CTNNA3: variants seen among roughly 807,000 people sequenced by gnomAD.
CTNNA3 encodes catenin alpha-3.
A neutral mutation model predicts 95.7 loss-of-function variants in CTNNA3; 76 were observed. That is an observed-to-expected ratio of 0.79 (90% CI 0.66 to 0.96). CTNNA3 has a LOEUF of 0.96. Ranked by LOEUF, CTNNA3 falls within the 40% of genes least tolerant of loss-of-function variation. CTNNA3 has a pLI of 0.00. For missense variants in CTNNA3, 1,191 were observed against 1,089.8 expected (o/e 1.09, Z -1.31); for synonymous variants, 431 against 374.4 (o/e 1.15, Z -1.74).
At chr10:67,732,564 A>T (rs1227314534) in intron 1 of CTNNA3, among the ~76,000 whole-genome samples, 2 of 152,214 alleles carry the variant, frequency 1.3e-5, no homozygotes, top group Non-Finnish European at 2.9e-5. Flanking sequence ...ACAAAAACAT[A>T]ACCCTTCATT....
intron 17 of CTNNA3, among the ~76,000 whole-genome samples, chr10:65,938,491 C>G (rs1333942830): frequency 6.6e-6 from 1 of 152,102 alleles, no homozygotes; most frequent in Non-Finnish European, 1.5e-5. Flanking sequence ...AGTGAGATGA[C>G]TGGGGACTTT....
chr10:67,668,836 T>C (rs76113630), intron 1 of CTNNA3, among the ~76,000 whole-genome samples: 74 of 130,526 alleles, frequency 5.7e-4, no homozygotes, highest in African/African-American at 2.6e-3. Context: ...GTGTTTCTTT[T>C]TTTTTTTTTT....
chr10:66,449,300 G>A (rs1179264150), intron 11 of CTNNA3, among the ~76,000 whole-genome samples: 1 of 151,956 alleles, frequency 6.6e-6, no homozygotes, highest in Admixed American at 6.6e-5. Context: ...GGTGTTTCTT[G>A]GTGCTGACTG....
chr10:67,494,207 T>A (rs1376244729), intron 5 of CTNNA3, among the ~76,000 whole-genome samples: 2 of 152,210 alleles, frequency 1.3e-5, no homozygotes, highest in Non-Finnish European at 2.9e-5. Context: ...GTTTTTTTAA[T>A]TGCTTTATAA....
chr10:66,632,129 TC>T (rs1356594312), intron 9 of CTNNA3, among the ~76,000 whole-genome samples: 1 of 152,088 alleles, frequency 6.6e-6, no homozygotes, highest in East Asian at 1.9e-4. Context: ...ATGGAAAAAC[TC>T]AGTATTGCAA....
At chr10:66,392,722 G>A (rs1216754133) in intron 11 of CTNNA3, among the ~76,000 whole-genome samples, 1 of 151,784 alleles carries the variant, frequency 6.6e-6, no homozygotes, top group African/African-American at 2.4e-5. Context: ...TTAAAACACT[G>A]ATAACACCAA....
At chr10:66,797,008 T>A (rs1841223496) in intron 7 of CTNNA3, among the ~76,000 whole-genome samples, 1 of 152,012 alleles carries the variant, frequency 6.6e-6, no homozygotes, top group Non-Finnish European at 1.5e-5. Context: ...ACACATAAGT[T>A]ATTCTTTGCA....
chr10:66,227,536 T>C (rs1331977572), intron 13 of CTNNA3, among the ~76,000 whole-genome samples: 3 of 152,168 alleles, frequency 2.0e-5, no homozygotes, highest in Admixed American at 6.5e-5. Context: ...GTAATTGCAA[T>C]GTATAATCCT....
At chr10:67,044,922 G>A (rs1854633744) in intron 7 of CTNNA3, among the ~76,000 whole-genome samples, 2 of 152,096 alleles carry the variant, frequency 1.3e-5, no homozygotes, top group African/African-American at 4.8e-5. Flanking sequence ...TGGGAAAAAC[G>A]GGGATAACCA....
At chr10:66,548,173 T>C (rs1418998810) in intron 10 of CTNNA3, among the ~76,000 whole-genome samples, 4 of 152,194 alleles carry the variant, frequency 2.6e-5, no homozygotes, top group Non-Finnish European at 5.9e-5. Context: ...CACCTCGGCC[T>C]CCCAAAGTGC....
intron 17 of CTNNA3, among the ~76,000 whole-genome samples, chr10:65,927,839 A>C (rs571377986): frequency 6.6e-6 from 1 of 152,248 alleles, no homozygotes; most frequent in South Asian, 2.1e-4. Context: ...TTCTGTTGTT[A>C]AGTATGTTTC....
At chr10:67,000,074 T>C (rs937242528) in intron 7 of CTNNA3, among the ~76,000 whole-genome samples, 1 of 152,204 alleles carries the variant, frequency 6.6e-6, no homozygotes, top group Non-Finnish European at 1.5e-5. Context: ...GAAATGATCA[T>C]GATAGCATTT....
At chr10:67,711,253 T>C (rs1841105822) in intron 1 of CTNNA3, among the ~76,000 whole-genome samples, 1 of 152,148 alleles carries the variant, frequency 6.6e-6, no homozygotes, top group Non-Finnish European at 1.5e-5. Context: ...ACTGAAAAGA[T>C]ACCCAAAAAT....
At chr10:65,922,585 T>C (rs1315242120) in intron 17 of CTNNA3, among the ~76,000 whole-genome samples, 6 of 152,204 alleles carry the variant, frequency 3.9e-5, no homozygotes, top group Admixed American at 3.9e-4. Context: ...TGGAAGTACA[T>C]AACATTTATC....
chr10:67,035,319 A>G lies in CTNNA3; in HGVS notation c.1047+144998T>C, dbSNP rs1299316138. 4.6e-5 allele frequency among the ~76,000 whole-genome samples: 7 copies of G among 152,208 alleles called. No individual in the cohort carries two copies. In the East Asian group the frequency reaches 9.6e-4, roughly 21 times the overall value. ...AATTGCATATAACATCATCATATTT[A>G]CTGTTGTCAAAATATAATGTTGAGA... is the stretch of plus-strand genomic sequence containing the variant. On this transcript the variant is annotated intron_variant, in intron 7 of 17. Coordinates refer to ENST00000433211, the MANE Select transcript of CTNNA3 (RefSeq NM_013266.4).
At chr10:67,079,618 G>C (rs990678227) in intron 7 of CTNNA3, among the ~76,000 whole-genome samples, 1 of 152,108 alleles carries the variant, frequency 6.6e-6, no homozygotes. Flanking sequence ...GGGAGGCCAA[G>C]GTGGGCAGAT....
chr10:66,000,538 T>C (rs1466419700), intron 15 of CTNNA3, among the ~76,000 whole-genome samples: 1 of 152,184 alleles, frequency 6.6e-6, no homozygotes, highest in East Asian at 1.9e-4. Flanking sequence ...TTTTATTCCC[T>C]AAATCGTTGA....
chr10:66,850,564 T>C (rs1843449569), intron 7 of CTNNA3, among the ~76,000 whole-genome samples: 1 of 152,152 alleles, frequency 6.6e-6, no homozygotes, highest in Admixed American at 6.5e-5. Flanking sequence ...TTTAGGAGTA[T>C]GCTTGTGTGT....
At chr10:67,261,858 T>C (rs1332128818) in intron 5 of CTNNA3, among the ~76,000 whole-genome samples, 1 of 152,150 alleles carries the variant, frequency 6.6e-6, no homozygotes, top group African/African-American at 2.4e-5. Flanking sequence ...CTCTAGTTCA[T>C]GTTGGGGATT....
Sources: allele counts gnomAD v4.1 joint callset (sites outside exome capture counted in the v4.1 genomes callset), GRCh38; gene constraint gnomAD v4.1.1; transcripts MANE v1.5; gene names NCBI Gene and HGNC (gene_info 2026-07-23, HGNC 2026-07-21).